The following AFG3L2 variants were observed in gnomAD, a reference collection of about 807,000 sequenced individuals.
The protein encoded by AFG3L2 is AFG3 like matrix AAA peptidase subunit 2.
Under a neutral mutation model 94.5 loss-of-function variants are expected in AFG3L2, and 54 were observed. The observed-to-expected ratio is 0.57, with a 90% CI of 0.46 to 0.72. The LOEUF is 0.72. AFG3L2 is among the 30% of genes least tolerant of loss of function. The probability of loss-of-function intolerance (pLI) is 0.00; values close to 1 mark genes in which losing one functional copy is unlikely to be tolerated. For missense variants in AFG3L2, 754 were observed against 994.9 expected (o/e 0.76, Z 3.26); for synonymous variants, 377 against 365.5 (o/e 1.03, Z -0.36).
rs576945047 is a variant in AFG3L2, at chr18:12,376,747, T to C, written c.114+222A>G. 1.6e-3 allele frequency among the ~76,000 whole-genome samples: 242 copies of C among 152,332 alleles called. 2 individuals carry two copies. The highest frequency in any genetic ancestry group is 8.3e-3 in the South Asian group (40 of 4,832). ...GTGAAGCGCGAAAACCCGGCTCTAC[T>C]GAAGCTGCGCGTTTTCAAAACTTGA... On this transcript the variant is annotated intron_variant, in intron 1 of 16. Transcript: ENST00000269143.
chr18:12,344,672 T>A (rs1228006589), intron 13 of AFG3L2, among the ~76,000 whole-genome samples: 4 of 144,338 alleles, frequency 2.8e-5, no homozygotes, highest in Admixed American at 6.9e-5. Context: ...AGAATCCGTC[T>A]CAAAAAAAAA....
chr18:12,349,358 CA>C (rs1481155454), intron 12 of AFG3L2, among the ~76,000 whole-genome samples: 2 of 152,252 alleles, frequency 1.3e-5, no homozygotes, highest in Non-Finnish European at 2.9e-5. Flanking sequence ...GGCAGTTCCT[CA>C]AAAAGTTAGA....
intron 13 of AFG3L2, among the ~76,000 whole-genome samples, chr18:12,345,033 G>A (rs1214092423): frequency 2.0e-5 from 3 of 152,218 alleles, no homozygotes; most frequent in Non-Finnish European, 4.4e-5. Flanking sequence ...CCTGCTGTCT[G>A]TTCTGCTGGA....
chr18:12,372,255 G>A (rs1355342223), intron 1 of AFG3L2, among the ~76,000 whole-genome samples: 1 of 152,200 alleles, frequency 6.6e-6, no homozygotes, highest in African/African-American at 2.4e-5. Context: ...AGTGAGCCGA[G>A]ATCACGCCAC....
At chr18:12,332,210 G>A (rs962353740) in intron 16 of AFG3L2, among the ~76,000 whole-genome samples, 2 of 141,528 alleles carry the variant, frequency 1.4e-5, no homozygotes, top group Non-Finnish European at 3.0e-5. Context: ...TGCAACCTCC[G>A]CCTCCCAGGT....
At chr18:12,367,167 G>T (rs201648830) in intron 4 of AFG3L2, 50 bp from the exon 5 acceptor site, 1 of 1,613,126 alleles carries the variant, frequency 6.2e-7, no homozygotes, top group East Asian at 2.2e-5. Flanking sequence ...TCCACAATAC[G>T]ATCTATGCTC....
intron 16 of AFG3L2, among the ~76,000 whole-genome samples, chr18:12,335,934 G>A (rs1025209001): frequency 1.3e-5 from 2 of 152,230 alleles, no homozygotes; most frequent in Non-Finnish European, 2.9e-5. Flanking sequence ...GCTTCTTGAA[G>A]ACTTGCTGAT....
intron 13 of AFG3L2, among the ~76,000 whole-genome samples, chr18:12,344,986 A>C (rs1908086002): frequency 6.6e-6 from 1 of 152,254 alleles, no homozygotes; most frequent in African/African-American, 2.4e-5. Context: ...GAATTATCAA[A>C]TACTGGGCAC....
chr18:12,360,016 G>C lies in AFG3L2; in HGVS notation c.663C>G (p.Thr221=). 6.2e-6 allele frequency: 10 copies of C among 1,613,936 alleles called. No individual in the cohort carries two copies. Among genetic ancestry groups the C allele is most frequent in the Non-Finnish European group, 8.5e-6 (10 of 1,179,958 alleles). The part of the protein sequence containing the change: ...YVWFNIGSVD[T]FERNLETLQQ... ...GTAAAGTTTCCAGATTCCGTTCAAA[G>C]GTGTCCACACTGCCAATATTAAACC... Residue 221 remains threonine (T), a synonymous_variant, in exon 7 of 17, where the codon ACC becomes ACG. Coordinates refer to ENST00000269143, the MANE Select transcript of AFG3L2 (RefSeq NM_006796.3).
At chr18:12,356,121 C>CAAA (rs55757012) in intron 9 of AFG3L2, among the ~76,000 whole-genome samples, 3 of 138,312 alleles carry the variant, frequency 2.2e-5, no homozygotes. Flanking sequence ...ATGTTGTCAC[C>CAAA]AAAAAAAAAA....
At chr18:12,354,840 C>T (rs986138198) in intron 9 of AFG3L2, among the ~76,000 whole-genome samples, 1 of 151,714 alleles carries the variant, frequency 6.6e-6, no homozygotes, top group Admixed American at 6.6e-5. Context: ...TCTCATGGCC[C>T]ATCATCATTA....
At chr18:12,340,080 T>C in intron 15 of AFG3L2, 121 bp downstream of exon 15, 5 of 936,376 alleles carry the variant, frequency 5.3e-6, no homozygotes, top group Non-Finnish European at 8.6e-6. Context: ...GAGATAATCC[T>C]TGCCTAAAAA....
At chr18:12,368,908 C>T (rs942324779) in intron 3 of AFG3L2, among the ~76,000 whole-genome samples, 4 of 152,034 alleles carry the variant, frequency 2.6e-5, no homozygotes, top group Non-Finnish European at 5.9e-5. Context: ...GGACCGAATA[C>T]ACTTCTAATG....
At chr18:12,333,024 A>T (rs1907605235) in intron 16 of AFG3L2, among the ~76,000 whole-genome samples, 1 of 71,032 alleles carries the variant, frequency 1.4e-5, no homozygotes, top group Admixed American at 2.0e-4. Flanking sequence ...TATATTAATA[A>T]TATATAAAAA....
At chr18:12,329,872 C>T in intron 16 of AFG3L2, 89 bp from the exon 17 acceptor site, 1 of 1,157,488 alleles carries the variant, frequency 8.6e-7, no homozygotes, top group Non-Finnish European at 1.3e-6. Context: ...GACCCCATTC[C>T]AAAAAAGGAT....
chr18:12,347,951 C>T (rs963612449), intron 13 of AFG3L2, among the ~76,000 whole-genome samples: 4 of 152,158 alleles, frequency 2.6e-5, no homozygotes, highest in Non-Finnish European at 5.9e-5. Flanking sequence ...TTTTAACAAA[C>T]TTGATTGGTA....
Position 12,367,005 on chromosome 18 carries a change from G to T in AFG3L2, c.512C>A (p.Thr171Asn). 1 of 1,614,180 alleles carries T rather than the reference G, an allele frequency of 6.2e-7. No individual in the cohort carries two copies. The highest frequency in any genetic ancestry group is 8.5e-7 in the Non-Finnish European group (1 of 1,180,028). Reference sequence around the variant, plus strand: ...ATAGTTATTGACAAAGTCCTTCCAAGTGATTTCTCTCCCGGATCTCTTGAG... The same window carrying T: ...ATAGTTATTGACAAAGTCCTTCCAATTGATTTCTCTCCCGGATCTCTTGAG... ...LLLKRSGREITWKDFVNNYLS... is the reference protein window; with the variant it reads ...LLLKRSGREINWKDFVNNYLS... The change falls in exon 5 of 17, where the codon ACT (threonine) becomes AAT (asparagine). Residue 171 changes from threonine to asparagine, a missense_variant. Thr to Asn is a moderately conservative substitution (Grantham distance 65, BLOSUM62 0). Coordinates refer to ENST00000269143, the MANE Select transcript of AFG3L2 (RefSeq NM_006796.3).
chr18:12,371,356 C>A (rs1467585028), intron 2 of AFG3L2, among the ~76,000 whole-genome samples: 1 of 150,840 alleles, frequency 6.6e-6, no homozygotes, highest in African/African-American at 2.4e-5. Context: ...CATAACATTT[C>A]TTGTGTACAA....
intron 13 of AFG3L2, 140 bp from the exon 14 acceptor site, chr18:12,344,387 A>T (rs932654197): frequency 1.5e-5 from 11 of 728,504 alleles, no homozygotes; most frequent in Non-Finnish European, 2.7e-5. Flanking sequence ...AAAAATTCCT[A>T]ATCAAGGCCA....
Sources: allele counts gnomAD v4.1 joint callset (sites outside exome capture counted in the v4.1 genomes callset), GRCh38; gene constraint gnomAD v4.1.1; transcripts MANE v1.5; gene names NCBI Gene and HGNC (gene_info 2026-07-23, HGNC 2026-07-21).